Variants in FTO observed in about 807,000 individuals in gnomAD.
FTO encodes FTO alpha-ketoglutarate dependent dioxygenase, also known as alpha-ketoglutarate-dependent dioxygenase FTO.
FTO carries 47 observed loss-of-function variants against 63.9 expected under a neutral mutation model. The observed-to-expected ratio is 0.74, with a 90% CI of 0.58 to 0.94. The LOEUF is 0.94. Ranked by LOEUF, FTO falls within the 40% of genes least tolerant of loss-of-function variation. The pLI is 0.00. For synonymous variants in FTO, 207 were observed against 224.4 expected (o/e 0.92, Z 0.69); for missense variants, 562 against 618.1 (o/e 0.91, Z 0.96).
At chr16:53,893,024 A>G (rs1203449790) in intron 7 of FTO, among the ~76,000 whole-genome samples, 1 of 152,052 alleles carries the variant, frequency 6.6e-6, no homozygotes, top group Non-Finnish European at 1.5e-5. Context: ...CACACTGTTT[A>G]TTCTTGCCAT....
intron 8 of FTO, among the ~76,000 whole-genome samples, chr16:53,972,877 T>C (rs571843369): frequency 6.6e-6 from 1 of 152,326 alleles, no homozygotes; most frequent in South Asian, 2.1e-4. Context: ...ACAGCCACTG[T>C]AAAGCCATAT....
At chr16:53,902,072 A>G (rs1226564052) in intron 7 of FTO, among the ~76,000 whole-genome samples, 1 of 152,198 alleles carries the variant, frequency 6.6e-6, no homozygotes, top group Admixed American at 6.5e-5. Context: ...GCTTTTTAGA[A>G]TGCCTTCTTC....
intron 8 of FTO, among the ~76,000 whole-genome samples, chr16:53,951,190 G>A (rs1047582922): frequency 1.3e-5 from 2 of 152,120 alleles, no homozygotes; most frequent in African/African-American, 4.8e-5. Context: ...TTTGAATAGA[G>A]CATCACTTTT....
chr16:53,896,856 T>C (rs891002396), intron 7 of FTO, among the ~76,000 whole-genome samples: 1 of 152,170 alleles, frequency 6.6e-6, no homozygotes, highest in African/African-American at 2.4e-5. Context: ...CCTCTTGCAA[T>C]GCGTCTATCC....
intron 8 of FTO, chr16:53,998,692 A>G (rs1599172792): frequency 6.6e-6 from 1 of 152,138 alleles, no homozygotes; most frequent in Admixed American, 6.6e-5. Context: ...TGGCTCCTGG[A>G]AACTTTAGCC....
At chr16:54,034,232 A>T (rs1472831520) in intron 8 of FTO, 1 of 152,174 alleles carries the variant, frequency 6.6e-6, no homozygotes, top group Non-Finnish European at 1.5e-5. Context: ...GGGAAGGCAG[A>T]TGTTTGTGTA....
intron 8 of FTO, among the ~76,000 whole-genome samples, chr16:54,051,885 G>C (rs1176267651): frequency 2.6e-5 from 4 of 152,202 alleles, no homozygotes; most frequent in Non-Finnish European, 4.4e-5. Context: ...AGATATCTAA[G>C]AGAGTTTCAC....
chr16:53,854,848 A>G (rs1365529189), intron 4 of FTO, among the ~76,000 whole-genome samples: 1 of 152,168 alleles, frequency 6.6e-6, no homozygotes, highest in Non-Finnish European at 1.5e-5. Context: ...TAGGAATTGC[A>G]TCAAGTCTGT....
At chr16:53,871,777 A>G (rs1235626014) in intron 4 of FTO, among the ~76,000 whole-genome samples, 3 of 151,584 alleles carry the variant, frequency 2.0e-5, no homozygotes, top group African/African-American at 7.3e-5. Flanking sequence ...CCCAGGCTGC[A>G]GTGCAATGGC....
At chr16:53,772,098 G>A (rs1329006704) in intron 1 of FTO, among the ~76,000 whole-genome samples, 2 of 152,040 alleles carry the variant, frequency 1.3e-5, no homozygotes, top group Non-Finnish European at 2.9e-5. Flanking sequence ...GGGGAAAATT[G>A]TGTGGTATGT....
At chr16:53,735,157 C>A (rs988983864) in intron 1 of FTO, among the ~76,000 whole-genome samples, 3 of 152,194 alleles carry the variant, frequency 2.0e-5, no homozygotes, top group African/African-American at 7.2e-5. Flanking sequence ...ATCTTTTGTT[C>A]CACACTGGCC....
At chr16:54,086,723 C>A (rs2086261293) in intron 8 of FTO, among the ~76,000 whole-genome samples, 1 of 152,212 alleles carries the variant, frequency 6.6e-6, no homozygotes, top group Non-Finnish European at 1.5e-5. Flanking sequence ...CAATGATTTT[C>A]TGTCTCTCTT....
intron 1 of FTO, among the ~76,000 whole-genome samples, chr16:53,779,600 T>C (rs2077539359): frequency 6.6e-6 from 1 of 152,212 alleles, no homozygotes; most frequent in Non-Finnish European, 1.5e-5. Flanking sequence ...TCGGGTACAA[T>C]TTAGAGTTTG....
chr16:53,711,544 T>C (rs893493613), intron 1 of FTO: 1 of 398,040 alleles, frequency 2.5e-6, no homozygotes, highest in Non-Finnish European at 4.4e-6. Context: ...AGTCATGGAA[T>C]TCCTTCCTTA....
chr16:54,097,887 T>C (rs559894359), intron 8 of FTO, among the ~76,000 whole-genome samples: 2 of 152,066 alleles, frequency 1.3e-5, no homozygotes, highest in East Asian at 3.9e-4. Flanking sequence ...GTCTCCCTGA[T>C]TGGATTAAGG....
intron 8 of FTO, among the ~76,000 whole-genome samples, chr16:53,955,621 A>G (rs2082911275): frequency 1.3e-5 from 2 of 152,220 alleles, no homozygotes; most frequent in African/African-American, 2.4e-5. Context: ...TACAAAGTAT[A>G]CGGAAAGTTT....
chr16:53,878,564 A>G (rs1018911003), intron 5 of FTO, among the ~76,000 whole-genome samples: 2 of 152,232 alleles, frequency 1.3e-5, no homozygotes, highest in Non-Finnish European at 2.9e-5. Flanking sequence ...TCAGAGGATT[A>G]GCCTTCAAGG....
intron 7 of FTO, among the ~76,000 whole-genome samples, chr16:53,896,938 A>C (rs1181780835): frequency 6.6e-6 from 1 of 152,128 alleles, no homozygotes; most frequent in East Asian, 1.9e-4. Flanking sequence ...CTCTATGGAG[A>C]AATGTACTCC....
intron 8 of FTO, among the ~76,000 whole-genome samples, chr16:54,029,749 A>G (rs1244742341): frequency 6.6e-6 from 1 of 152,158 alleles, no homozygotes; most frequent in Non-Finnish European, 1.5e-5. Context: ...GGAGAATGAT[A>G]TTTACTGAAC....
Sources: allele counts gnomAD v4.1 joint callset (sites outside exome capture counted in the v4.1 genomes callset), GRCh38; gene constraint gnomAD v4.1.1; transcripts MANE v1.5; gene names NCBI Gene and HGNC (gene_info 2026-07-23, HGNC 2026-07-21).